LRP1B: variants seen among roughly 807,000 people sequenced by gnomAD.
LRP1B encodes LDL receptor related protein 1B, also known as low-density lipoprotein receptor-related protein 1B.
A neutral mutation model predicts 556.6 loss-of-function variants in LRP1B; 217 were observed. The observed-to-expected ratio is 0.39, with a 90% CI of 0.35 to 0.44. LRP1B has a LOEUF of 0.44. Ranked by LOEUF, LRP1B falls within the 20% of genes least tolerant of loss-of-function variation. LRP1B has a pLI of 1.00. For missense variants in LRP1B, 5,053 were observed against 5,620.8 expected, an observed-to-expected ratio of 0.90 and a Z score of 3.23; for synonymous variants, 2,047 against 1,865.8, an observed-to-expected ratio of 1.10 and a Z score of -2.50.
chr2:141,818,623 G>T (rs184872533), intron 1 of LRP1B, among the ~76,000 whole-genome samples: 1 of 128,816 alleles, frequency 7.8e-6, no homozygotes, highest in Admixed American at 9.9e-5. Context: ...TGCAACCTCT[G>T]CCTCCCAGGT....
intron 2 of LRP1B, among the ~76,000 whole-genome samples, chr2:141,646,638 C>G (rs1184703637): frequency 6.6e-6 from 1 of 151,992 alleles, no homozygotes; most frequent in East Asian, 1.9e-4. Context: ...TTAGAAAACT[C>G]ATGGAAATGC....
chr2:140,578,551 A>G (rs1449024292), intron 43 of LRP1B, among the ~76,000 whole-genome samples: 1 of 152,140 alleles, frequency 6.6e-6, no homozygotes, highest in African/African-American at 2.4e-5. Context: ...CTAGAATGCC[A>G]TTCCCCAAAA....
chr2:141,107,870 T>C (rs946929055), intron 7 of LRP1B, among the ~76,000 whole-genome samples: 2 of 152,124 alleles, frequency 1.3e-5, no homozygotes, highest in Admixed American at 6.6e-5. Context: ...AACACTATTA[T>C]TTCTCAACGT....
At chr2:141,215,882 T>C (rs72855028) in intron 6 of LRP1B, among the ~76,000 whole-genome samples, 44 of 152,308 alleles carry the variant, frequency 2.9e-4, no homozygotes, top group Non-Finnish European at 5.7e-4. Context: ...TATAAAAGTT[T>C]GGAAAGTTTG....
intron 1 of LRP1B, among the ~76,000 whole-genome samples, chr2:142,056,265 A>G (rs558639119): frequency 1.3e-5 from 2 of 152,058 alleles, no homozygotes; most frequent in African/African-American, 4.8e-5. Flanking sequence ...TATTATAAAA[A>G]CCAACTCTCT....
chr2:141,893,191 G>T (rs984195491), intron 1 of LRP1B, among the ~76,000 whole-genome samples: 3 of 152,142 alleles, frequency 2.0e-5, no homozygotes, highest in African/African-American at 7.2e-5. Flanking sequence ...ACTCACTAGG[G>T]TGTCAGTTTG....
chr2:141,986,205 A>T (rs1702182737), intron 1 of LRP1B, among the ~76,000 whole-genome samples: 1 of 151,976 alleles, frequency 6.6e-6, no homozygotes, highest in Non-Finnish European at 1.5e-5. Flanking sequence ...GTACAATATG[A>T]ATATACTTAC....
chr2:141,244,999 G>T (rs1684014109), intron 5 of LRP1B, among the ~76,000 whole-genome samples: 1 of 152,014 alleles, frequency 6.6e-6, no homozygotes, highest in Admixed American at 6.6e-5. Context: ...ATCTTTTTCT[G>T]GTTGCATTCT....
chr2:140,725,624 T>C (rs1037262773), intron 35 of LRP1B, among the ~76,000 whole-genome samples: 2 of 151,794 alleles, frequency 1.3e-5, no homozygotes, highest in African/African-American at 4.8e-5. Flanking sequence ...ACATGACATA[T>C]GTATACATAT....
intron 3 of LRP1B, among the ~76,000 whole-genome samples, chr2:141,450,590 A>G (rs1681383482): frequency 6.6e-6 from 1 of 151,106 alleles, no homozygotes; most frequent in South Asian, 2.1e-4. Flanking sequence ...AAAAATATAT[A>G]TATATAATTA....
chr2:141,599,814 T>G (rs1038594765), intron 2 of LRP1B, among the ~76,000 whole-genome samples: 1 of 152,138 alleles, frequency 6.6e-6, no homozygotes, highest in Non-Finnish European at 1.5e-5. Flanking sequence ...TTAACCCTCT[T>G]GAAACCTGAC....
At chr2:141,111,729 T>C (rs1234195694) in intron 7 of LRP1B, among the ~76,000 whole-genome samples, 2 of 152,152 alleles carry the variant, frequency 1.3e-5, no homozygotes, top group African/African-American at 4.8e-5. Flanking sequence ...CCCCTCTCTT[T>C]GCTGAGAGCC....
chr2:142,042,961 G>A (rs576758575), intron 1 of LRP1B, among the ~76,000 whole-genome samples: 56 of 52,932 alleles, frequency 1.1e-3, no homozygotes, highest in African/African-American at 2.0e-3. Context: ...GATTTAAATT[G>A]ATACATTTAT....
intron 1 of LRP1B, among the ~76,000 whole-genome samples, chr2:141,922,544 T>C (rs1192494994): frequency 6.6e-6 from 1 of 152,162 alleles, no homozygotes; most frequent in Non-Finnish European, 1.5e-5. Context: ...CTCATTGTTC[T>C]TCTCCTCCAC....
chr2:140,750,898 T>C (rs1688552362), intron 35 of LRP1B, among the ~76,000 whole-genome samples: 1 of 152,076 alleles, frequency 6.6e-6, no homozygotes, highest in Non-Finnish European at 1.5e-5. Flanking sequence ...TGAAGAACAT[T>C]TTCCCAGTAA....
chr2:141,945,253 T>C (rs1407023983), intron 1 of LRP1B, among the ~76,000 whole-genome samples: 4 of 152,140 alleles, frequency 2.6e-5, no homozygotes, highest in African/African-American at 9.7e-5. Flanking sequence ...ATATGGTATT[T>C]TAATGAGGAA....
At chr2:141,265,964 A>C (rs1387557551) in intron 3 of LRP1B, among the ~76,000 whole-genome samples, 1 of 152,186 alleles carries the variant, frequency 6.6e-6, no homozygotes, top group Non-Finnish European at 1.5e-5. Context: ...GAGCCATAGA[A>C]CAGGTTCTCA....
intron 2 of LRP1B, among the ~76,000 whole-genome samples, chr2:141,701,553 A>T (rs1453846908): frequency 6.6e-6 from 1 of 151,872 alleles, no homozygotes. Context: ...TTGGGAAAGC[A>T]CAAGAAACAA....
chr2:141,566,025 C>T (rs147193637), intron 2 of LRP1B, among the ~76,000 whole-genome samples: 1 of 151,936 alleles, frequency 6.6e-6, no homozygotes, highest in Non-Finnish European at 1.5e-5. Flanking sequence ...CAAGGAATGA[C>T]CTTATATGGA....
Sources: allele counts gnomAD v4.1 joint callset (sites outside exome capture counted in the v4.1 genomes callset), GRCh38; gene constraint gnomAD v4.1.1; transcripts MANE v1.5; gene names NCBI Gene and HGNC (gene_info 2026-07-23, HGNC 2026-07-21).